Variants in KALRN observed in about 807,000 individuals in gnomAD.
The protein encoded by KALRN is kalirin RhoGEF kinase, also known as kalirin.
KALRN carries 70 observed loss-of-function variants against 353.7 expected under a neutral mutation model. That is an observed-to-expected ratio of 0.20 (90% CI 0.16 to 0.24). KALRN has a LOEUF of 0.24. Among genes scored for constraint, KALRN ranks in the 10% least tolerant of loss-of-function variants. The pLI is 1.00. For synonymous variants in KALRN, 1,391 were observed against 1,434.8 expected, an observed-to-expected ratio of 0.97 and a Z score of 0.69; for missense variants, 2,791 against 3,756.7, an observed-to-expected ratio of 0.74 and a Z score of 6.72.
chr3:124,113,557 A>G (rs779461321), intron 1 of KALRN, among the ~76,000 whole-genome samples: 2 of 152,204 alleles, frequency 1.3e-5, no homozygotes, highest in Non-Finnish European at 2.9e-5. Context: ...CCCTGGGGGA[A>G]ACTTCAGCTT....
At chr3:124,228,551 C>T (rs1015177100) in intron 2 of KALRN, among the ~76,000 whole-genome samples, 1 of 152,184 alleles carries the variant, frequency 6.6e-6, no homozygotes, top group African/African-American at 2.4e-5. Context: ...TCTGACTTCT[C>T]TCTCCCATAC....
intron 21 of KALRN, among the ~76,000 whole-genome samples, chr3:124,449,206 A>G (rs375904237): frequency 1.3e-5 from 2 of 152,214 alleles, no homozygotes; most frequent in South Asian, 4.1e-4. Flanking sequence ...AAGAGAATAC[A>G]TACAGTGGCC....
rs763725843 is a variant in KALRN at position 124,667,522 on chromosome 3, G to C, written c.6703+339G>C. ...GTGTCTAAGGAACCAGGACCGGCTA[G>C]AAATGATATGTGTTTTTCCACTTTT... On this transcript the variant is annotated intron_variant, in intron 47 of 59. Coordinates refer to ENST00000682506, the MANE Select transcript of KALRN (RefSeq NM_001388419.1). 4.7e-4 allele frequency among the ~76,000 whole-genome samples: 72 copies of C among 152,322 alleles called. 2 individuals carry two copies. Among genetic ancestry groups the C allele is most frequent in the Non-Finnish European group, 1.3e-4 (9 of 68,032 alleles).
intron 6 of KALRN, among the ~76,000 whole-genome samples, chr3:124,304,857 C>G (rs1580738230): frequency 6.6e-6 from 1 of 152,174 alleles, no homozygotes; most frequent in South Asian, 2.1e-4. Context: ...CATTTCTTAT[C>G]CTGCCCCAAA....
chr3:124,602,644 G>T (rs554255646), intron 34 of KALRN, among the ~76,000 whole-genome samples: 1 of 152,210 alleles, frequency 6.6e-6, no homozygotes, highest in Non-Finnish European at 1.5e-5. Context: ...GTGACACAGG[G>T]CTGGGTCTTA....
At chr3:124,069,123 C>T (rs2042622965) in intron 1 of KALRN, among the ~76,000 whole-genome samples, 1 of 151,876 alleles carries the variant, frequency 6.6e-6, no homozygotes, top group Admixed American at 6.6e-5. Flanking sequence ...TCTCATTAAT[C>T]TTTAAAATGA....
intron 21 of KALRN, among the ~76,000 whole-genome samples, chr3:124,452,720 GGATGCATCTAAACTCATTTTACT>G (rs2058914962): frequency 6.6e-6 from 1 of 152,162 alleles, no homozygotes; most frequent in Non-Finnish European, 1.5e-5. Flanking sequence ...TACTTCCTAA[GGATGCATCTAAACTCATTTTACT>G]GTCTCTTTGC....
At chr3:124,124,669 C>G (rs900627922) in intron 1 of KALRN, among the ~76,000 whole-genome samples, 7 of 152,232 alleles carry the variant, frequency 4.6e-5, no homozygotes, top group Non-Finnish European at 1.0e-4. Context: ...GCCACAGGCA[C>G]TCCCACCTTC....
intron 33 of KALRN, among the ~76,000 whole-genome samples, chr3:124,562,211 A>T (rs2072131515): frequency 6.6e-6 from 1 of 152,182 alleles, no homozygotes; most frequent in South Asian, 2.1e-4. Context: ...CTGCCTTTGA[A>T]TTGAAGCCCC....
intron 59 of KALRN, among the ~76,000 whole-genome samples, chr3:124,717,662 C>T (rs534584888): frequency 3.3e-5 from 5 of 151,674 alleles, no homozygotes; most frequent in Non-Finnish European, 5.9e-5. Flanking sequence ...CGCCACTGCA[C>T]TGTAGCCTGG....
At position 124,620,014 on chromosome 3, in the gene KALRN, A is replaced by G. The variant is rs560691864; in HGVS notation, c.5183-12406A>G. Among the ~76,000 whole-genome samples, 6 of 151,504 alleles carry G rather than the reference A, an allele frequency of 4.0e-5. No homozygotes were observed. The South Asian group carries it at 1.3e-3, about 32-fold the overall frequency. On this transcript the variant is annotated intron_variant, in intron 34 of 59. Coordinates refer to ENST00000682506, the MANE Select transcript of KALRN (RefSeq NM_001388419.1). Reference sequence around the variant, plus strand: ...TTCCACAATGAAAGGCCTGTATTTTATACTAATATAATGTGCCCTTTCTTC... The same window carrying G: ...TTCCACAATGAAAGGCCTGTATTTTGTACTAATATAATGTGCCCTTTCTTC...
intron 1 of KALRN, among the ~76,000 whole-genome samples, chr3:124,116,979 T>C (rs977521227): frequency 6.6e-6 from 1 of 152,218 alleles, no homozygotes; most frequent in African/African-American, 2.4e-5. Flanking sequence ...CACCAAAGTG[T>C]CTTTGACTGT....
At chr3:124,491,581 A>T (rs369926604) in intron 31 of KALRN, 157 bp downstream of exon 31, 4 of 478,058 alleles carry the variant, frequency 8.4e-6, no homozygotes, top group Non-Finnish European at 7.3e-6. Flanking sequence ...AGCAAATTCT[A>T]TCATGAAAGT....
chr3:124,293,638 A>G (rs9870208), intron 5 of KALRN, among the ~76,000 whole-genome samples: 13,212 of 152,268 alleles, frequency 0.087, 644 homozygotes, highest in Middle Eastern at 0.13. Flanking sequence ...AAAGGAAAAA[A>G]AAACCCCAAA....
intron 10 of KALRN, among the ~76,000 whole-genome samples, chr3:124,382,473 A>G (rs914753970): frequency 7.9e-5 from 12 of 152,202 alleles, no homozygotes; most frequent in Non-Finnish European, 1.8e-4. Flanking sequence ...TATAGCAATC[A>G]GCCATCCCAA....
chr3:124,496,089 A>G (rs1444977885), intron 32 of KALRN, among the ~76,000 whole-genome samples: 1 of 146,282 alleles, frequency 6.8e-6, no homozygotes, highest in Non-Finnish European at 1.5e-5. Flanking sequence ...GTCATTTTGC[A>G]TTTAGTTATC....
chr3:124,386,451 C>T (rs914399052), intron 11 of KALRN, among the ~76,000 whole-genome samples: 1 of 152,090 alleles, frequency 6.6e-6, no homozygotes, highest in African/African-American at 2.4e-5. Context: ...TTCCATGGAA[C>T]TACCACTCCC....
chr3:124,488,414 A>C, intron 29 of KALRN, 99 bp downstream of exon 29: 1 of 790,898 alleles, frequency 1.3e-6, no homozygotes, highest in Non-Finnish European at 2.2e-6. Flanking sequence ...ACAAGGTGCA[A>C]GGCTGGAAGA....
At chr3:124,413,719 C>A in intron 14 of KALRN, 54 bp downstream of exon 14, 2 of 1,440,516 alleles carry the variant, frequency 1.4e-6, no homozygotes, top group East Asian at 2.3e-5. Context: ...ACAAGCATAC[C>A]ATCTAGCCTG....
Sources: allele counts gnomAD v4.1 joint callset (sites outside exome capture counted in the v4.1 genomes callset), GRCh38; gene constraint gnomAD v4.1.1; transcripts MANE v1.5; gene names NCBI Gene and HGNC (gene_info 2026-07-23, HGNC 2026-07-21).